Variants in CACHD1 observed in about 807,000 individuals in gnomAD.
CACHD1 encodes VWFA and cache domain-containing protein 1.
In CACHD1, 71 loss-of-function variants were observed where a neutral mutation model predicts 138.7. The ratio of observed to expected loss-of-function variants is 0.51; its 90% CI spans 0.42 to 0.62. CACHD1 has a LOEUF of 0.62. Among genes scored for constraint, CACHD1 ranks in the 20% least tolerant of loss-of-function variants. CACHD1 has a pLI of 0.00. For missense variants in CACHD1, 1,389 were observed against 1,625.3 expected (o/e 0.85, Z 2.50); for synonymous variants, 578 against 591.5 (o/e 0.98, Z 0.33).
intron 23 of CACHD1, among the ~76,000 whole-genome samples, chr1:64,679,066 G>A (rs1040850660): frequency 1.3e-5 from 2 of 152,180 alleles, no homozygotes; most frequent in African/African-American, 4.8e-5. Flanking sequence ...CTAGGTGAGG[G>A]TACATATGTG....
At chr1:64,480,821 T>C (rs960205171) in intron 1 of CACHD1, among the ~76,000 whole-genome samples, 1 of 152,052 alleles carries the variant, frequency 6.6e-6, no homozygotes, top group South Asian at 2.1e-4. Context: ...AATTGGATTT[T>C]ATGACCTACA....
intron 25 of CACHD1, among the ~76,000 whole-genome samples, chr1:64,681,541 G>GGTTTTTTTTTGTTTTTTTTTTTTTTTTT (rs1553146851): frequency 2.9e-5 from 2 of 68,144 alleles, no homozygotes; most frequent in African/African-American, 1.5e-4. Context: ...ATTTTATTGT[G>GGTTTTTTTTTGTTTTTTTTTTTTTTTTT]TTTTTTTTTT....
At chr1:64,537,571 C>T (rs1646643335) in intron 1 of CACHD1, among the ~76,000 whole-genome samples, 1 of 152,130 alleles carries the variant, frequency 6.6e-6, no homozygotes, top group African/African-American at 2.4e-5. Flanking sequence ...TCTTTAATAC[C>T]ACAGCCATTT....
chr1:64,488,884 G>A (rs546812706), intron 1 of CACHD1, among the ~76,000 whole-genome samples: 18 of 152,320 alleles, frequency 1.2e-4, no homozygotes, highest in African/African-American at 4.3e-4. Flanking sequence ...TACTCTGGTA[G>A]ATACCTAGGA....
At chr1:64,604,538 A>G (rs541477158) in intron 4 of CACHD1, among the ~76,000 whole-genome samples, 1 of 152,316 alleles carries the variant, frequency 6.6e-6, no homozygotes, top group South Asian at 2.1e-4. Flanking sequence ...TGTTCTGAAG[A>G]CTTGAGGTTG....
chr1:64,684,573 A>G (rs993203355), intron 26 of CACHD1, among the ~76,000 whole-genome samples: 11 of 152,260 alleles, frequency 7.2e-5, no homozygotes, highest in African/African-American at 2.6e-4. Flanking sequence ...TTAAAAGTTT[A>G]TAAAGCAAAA....
chr1:64,581,912 G>A (rs893531792), intron 2 of CACHD1, among the ~76,000 whole-genome samples: 1 of 152,058 alleles, frequency 6.6e-6, no homozygotes, highest in Non-Finnish European at 1.5e-5. Context: ...TCTATTTAAC[G>A]TGCCGTCATC....
intron 12 of CACHD1, among the ~76,000 whole-genome samples, chr1:64,657,647 A>G (rs1476920399): frequency 1.3e-5 from 2 of 152,192 alleles, no homozygotes; most frequent in African/African-American, 4.8e-5. Flanking sequence ...GAAGATGCAA[A>G]TTGCTTCTGT....
chr1:64,505,021 CT>C (rs1570311555), intron 1 of CACHD1, among the ~76,000 whole-genome samples: 1 of 152,120 alleles, frequency 6.6e-6, no homozygotes, highest in South Asian at 2.1e-4. Context: ...GACTTCCAAA[CT>C]TTTTTCTGGA....
chr1:64,489,380 G>T (rs1472917087), intron 1 of CACHD1, among the ~76,000 whole-genome samples: 1 of 152,120 alleles, frequency 6.6e-6, no homozygotes, highest in Non-Finnish European at 1.5e-5. Flanking sequence ...TTTAAGTAGT[G>T]CAGAGACCTT....
In CACHD1 at chr1:64,673,402, C is replaced by A; in HGVS notation, c.2665C>A (p.Leu889Met). The A allele has an allele frequency of 6.2e-7, 1 of 1,614,136 alleles. No homozygotes were observed. Among genetic ancestry groups the A allele is most frequent in the East Asian group, 2.2e-5 (1 of 44,870 alleles). ...LNHPNFVKKN[L>M]CNSFSDRTVQ... ...CCACCCCAACTTTGTAAAGAAAAAC[C>A]TGTGCAACAGCTTCAGTGACAGAAC... The change falls in exon 19 of 27, where the codon CTG (leucine) becomes ATG (methionine). Residue 889 changes from leucine to methionine, a missense_variant. Around this residue, in one of 5 missense-constraint regions of CACHD1, gnomAD observed 1,000 missense variants for 1,114.7 expected, o/e 0.90. Coordinates refer to ENST00000651257, the MANE Select transcript of CACHD1 (RefSeq NM_020925.4).
chr1:64,491,058 C>T (rs996825655), intron 1 of CACHD1, among the ~76,000 whole-genome samples: 3 of 152,090 alleles, frequency 2.0e-5, no homozygotes, highest in Admixed American at 6.6e-5. Context: ...TGTCTAAAAT[C>T]GAGAGACCAG....
intron 2 of CACHD1, among the ~76,000 whole-genome samples, chr1:64,564,256 C>T (rs1185073139): frequency 6.6e-6 from 1 of 152,130 alleles, no homozygotes; most frequent in East Asian, 1.9e-4. Flanking sequence ...GACCCTATGC[C>T]CAGACTATCA....
At chr1:64,481,542 G>A (rs528446193) in intron 1 of CACHD1, among the ~76,000 whole-genome samples, 26 of 152,282 alleles carry the variant, frequency 1.7e-4, no homozygotes, top group Non-Finnish European at 2.5e-4. Flanking sequence ...GATAAAAGTC[G>A]CCAAGTATGG....
intron 8 of CACHD1, among the ~76,000 whole-genome samples, chr1:64,646,518 A>G (rs1007405687): frequency 6.6e-6 from 1 of 152,084 alleles, no homozygotes; most frequent in Non-Finnish European, 1.5e-5. Context: ...ACTTGAGGCC[A>G]GGAGTTCGAG....
intron 4 of CACHD1, among the ~76,000 whole-genome samples, chr1:64,611,723 A>G (rs1348074298): frequency 6.6e-6 from 1 of 152,160 alleles, no homozygotes; most frequent in African/African-American, 2.4e-5. Flanking sequence ...GAAGTTCCAG[A>G]CTTTCCCTCA....
intron 3 of CACHD1, among the ~76,000 whole-genome samples, chr1:64,601,085 G>A (rs1335538382): frequency 6.6e-6 from 1 of 152,146 alleles, no homozygotes; most frequent in African/African-American, 2.4e-5. Flanking sequence ...TGGTGAAACA[G>A]GTCTGGAATA....
intron 4 of CACHD1, among the ~76,000 whole-genome samples, chr1:64,607,111 G>A (rs150757653): frequency 6.6e-6 from 1 of 152,262 alleles, no homozygotes; most frequent in East Asian, 1.9e-4. Context: ...GGCTCATTTA[G>A]ATCACGTAGC....
intron 3 of CACHD1, among the ~76,000 whole-genome samples, chr1:64,592,777 AC>A (rs967119476): frequency 1.2e-4 from 19 of 152,226 alleles, no homozygotes; most frequent in African/African-American, 4.6e-4. Context: ...AGAATAAATT[AC>A]GGTAGAAGGG....
Sources: gnomAD v4.1 joint callset for allele counts (sites outside exome capture counted in the v4.1 genomes callset) on GRCh38, gnomAD v4.1.1 for gene constraint, gnomAD v4.1.1 regional missense constraint, MANE v1.5 for transcripts, NCBI Gene and HGNC (gene_info 2026-07-23, HGNC 2026-07-21) for gene names.